MYO1D: variants seen among roughly 807,000 people sequenced by gnomAD.
MYO1D encodes unconventional myosin-Id.
Under a neutral mutation model 122.0 loss-of-function variants are expected in MYO1D, and 83 were observed. That is an observed-to-expected ratio of 0.68 (90% CI 0.57 to 0.82). MYO1D has a LOEUF of 0.82. MYO1D is among the 40% of genes least tolerant of loss of function. MYO1D has a pLI of 0.00. For missense variants in MYO1D, 1,157 were observed against 1,269.5 expected (o/e 0.91, Z 1.35); for synonymous variants, 464 against 446.9 (o/e 1.04, Z -0.48).
At chr17:32,544,928 T>C (rs1345422885) in intron 21 of MYO1D, among the ~76,000 whole-genome samples, 1 of 152,228 alleles carries the variant, frequency 6.6e-6, no homozygotes, top group Non-Finnish European at 1.5e-5. Context: ...ATAAAATGCA[T>C]ATTTTTAGTT....
At chr17:32,513,674 T>C (rs560217950) in intron 21 of MYO1D, among the ~76,000 whole-genome samples, 1 of 152,326 alleles carries the variant, frequency 6.6e-6, no homozygotes, top group Non-Finnish European at 1.5e-5. Context: ...AATCAGCACT[T>C]ACAATATTAC....
At chr17:32,775,741 C>A in intron 4 of MYO1D, 123 bp downstream of exon 4, 1 of 847,260 alleles carries the variant, frequency 1.2e-6, no homozygotes. Context: ...TCATAAAAAG[C>A]TAATGAAGAA....
intron 21 of MYO1D, among the ~76,000 whole-genome samples, chr17:32,515,953 A>C (rs1909876681): frequency 6.6e-6 from 1 of 152,196 alleles, no homozygotes; most frequent in Non-Finnish European, 1.5e-5. Context: ...CACTGCTCAG[A>C]TGCTTCTGAT....
intron 21 of MYO1D, among the ~76,000 whole-genome samples, chr17:32,567,315 A>G (rs1358972396): frequency 6.6e-6 from 1 of 152,250 alleles, no homozygotes; most frequent in East Asian, 1.9e-4. Flanking sequence ...GACTCAGCGA[A>G]TGAATGTATT....
chr17:32,740,349 C>T (rs1036177205), intron 13 of MYO1D, among the ~76,000 whole-genome samples: 8 of 152,216 alleles, frequency 5.3e-5, no homozygotes, highest in East Asian at 3.9e-4. Context: ...TATTCCTGTA[C>T]TACACTGTAA....
At chr17:32,806,471 C>T (rs1212784797) in intron 1 of MYO1D, among the ~76,000 whole-genome samples, 2 of 152,082 alleles carry the variant, frequency 1.3e-5, no homozygotes, top group African/African-American at 2.4e-5. Context: ...TCAAGTGATT[C>T]TCTCACCTCA....
chr17:32,608,976 C>G (rs892480243), intron 20 of MYO1D, among the ~76,000 whole-genome samples: 2 of 152,128 alleles, frequency 1.3e-5, no homozygotes, highest in African/African-American at 4.8e-5. Flanking sequence ...GGATGGACAA[C>G]AGATCAGTAG....
At chr17:32,563,295 C>T (rs1185742164) in intron 21 of MYO1D, among the ~76,000 whole-genome samples, 1 of 149,154 alleles carries the variant, frequency 6.7e-6, no homozygotes, top group African/African-American at 2.5e-5. Flanking sequence ...CAGCAACCTC[C>T]GTCTCCCGGG....
chr17:32,833,771 G>A (rs936897637), intron 1 of MYO1D, among the ~76,000 whole-genome samples: 1 of 152,004 alleles, frequency 6.6e-6, no homozygotes, highest in Non-Finnish European at 1.5e-5. Flanking sequence ...ACAGGTCTCT[G>A]CATCTGCTGT....
At chr17:32,827,278 A>G (rs2090730938) in intron 1 of MYO1D, among the ~76,000 whole-genome samples, 1 of 152,242 alleles carries the variant, frequency 6.6e-6, no homozygotes, top group Admixed American at 6.5e-5. Flanking sequence ...TAAGTCATAT[A>G]ATAAGTTGTG....
At position 32,771,189 on chromosome 17, in the gene MYO1D, C is replaced by A; in HGVS notation, c.650G>T (p.Arg217Leu). 1 of 1,611,578 alleles carries A rather than the reference C, an allele frequency of 6.2e-7. No homozygotes were observed. The highest frequency in any genetic ancestry group is 8.5e-7 in the Non-Finnish European group (1 of 1,178,044). The change falls in exon 6 of 22, where the codon CGC becomes CTC. Residue 217 changes from arginine to leucine, a missense_variant. By Grantham distance (102) the Arg-to-Leu change is moderately radical. Transcript: ENST00000318217. ...LLQGGSEQML[R>L]SLHLQKSLSS... is the part of the protein sequence containing the mutation. ...AAGGGATTTCTGGAGATGTAGAGAG[C>A]GTAGCATTTGTTCTGAACCTCCTTG...
At chr17:32,843,223 C>T (rs1327905282) in intron 1 of MYO1D, among the ~76,000 whole-genome samples, 1 of 152,138 alleles carries the variant, frequency 6.6e-6, no homozygotes, top group Non-Finnish European at 1.5e-5. Context: ...AGGAATTCCT[C>T]TTAAATTCAA....
At chr17:32,644,222 A>G (rs1408541859) in intron 19 of MYO1D, among the ~76,000 whole-genome samples, 1 of 152,090 alleles carries the variant, frequency 6.6e-6, no homozygotes, top group Admixed American at 6.5e-5. Flanking sequence ...GTAGTTGAGC[A>G]GTTTTGAGTG....
In MYO1D at chr17:32,780,280, T is replaced by C. The variant is rs545280333; in HGVS notation, c.304+296A>G. Among the ~76,000 whole-genome samples the C allele has an allele frequency of 1.3e-3, 202 of 152,330 alleles. 5 individuals carry two copies. Among genetic ancestry groups the C allele is most frequent in the Admixed American group, 0.013 (202 of 15,304 alleles). On this transcript the variant is annotated intron_variant, in intron 2 of 21. Coordinates refer to ENST00000318217, the MANE Select transcript of MYO1D (RefSeq NM_015194.3). ...TGCTATTTAAAATAATTTTGTTACA[T>C]TTTATCCAGACTTTTATGTGTTTGA... is the stretch of plus-strand genomic sequence containing the variant.
At position 32,738,119 on chromosome 17, in the gene MYO1D, AT is replaced by A. The variant is rs1346634905; in HGVS notation, c.1746+133del. 3.2e-5 allele frequency: 23 copies of A among 727,900 alleles called. No homozygotes were observed. The African/African-American group carries it at 3.9e-4, about 12-fold the overall frequency. 45.1% of individuals were successfully genotyped at this position (727,900 alleles called of 1,614,324 possible). On this transcript the variant is annotated intron_variant, in intron 14 of 21. Transcript: ENST00000318217. ...TTAAAAATGCAGGAATAAAAATTCT[AT>A]TATAACATTCACTTTATACATATTC...
intron 21 of MYO1D, chr17:32,594,593 C>A (rs1435840071): frequency 3.1e-6 from 2 of 652,324 alleles, no homozygotes; most frequent in Non-Finnish European, 5.5e-6. Context: ...ATATTATTGG[C>A]CTTTTCAGAA....
chr17:32,659,250 T>C lies in MYO1D; in HGVS notation c.2210A>G (p.Lys737Arg). 6.2e-7 allele frequency: 1 copy of C among 1,614,252 alleles called. No homozygotes were observed. Among genetic ancestry groups the C allele is most frequent in the South Asian group, 1.1e-5 (1 of 91,084 alleles). ...TCTGGCCACCTCGTGGATGTACGAC[T>C]TCACTTTGTAGCGCCGGTAGTACCT... ...IIRYYRRYKV[K>R]SYIHEVARRF... Residue 737 changes from lysine (K) to arginine (R), a missense_variant, in exon 17 of 22, where the codon AAG (lysine) becomes AGG (arginine). By Grantham distance (26) the Lys-to-Arg change is conservative. Transcript: ENST00000318217.
chr17:32,737,968 TG>T (rs1159479740), intron 14 of MYO1D, among the ~76,000 whole-genome samples: 1 of 152,254 alleles, frequency 6.6e-6, no homozygotes, highest in Non-Finnish European at 1.5e-5. Flanking sequence ...TTGCTGGGCA[TG>T]CTGTGCCTTA....
intron 20 of MYO1D, among the ~76,000 whole-genome samples, chr17:32,608,519 A>G (rs1293576406): frequency 6.6e-6 from 1 of 152,248 alleles, no homozygotes; most frequent in Non-Finnish European, 1.5e-5. Context: ...ACACAGAACA[A>G]GTGGGACTCA....
Sources: allele counts gnomAD v4.1 joint callset (sites outside exome capture counted in the v4.1 genomes callset), GRCh38; gene constraint gnomAD v4.1.1; transcripts MANE v1.5; gene names NCBI Gene and HGNC (gene_info 2026-07-23, HGNC 2026-07-21).